The following TRPS1 variants were observed in gnomAD, a reference collection of about 807,000 sequenced individuals.
The protein encoded by TRPS1 is transcriptional repressor GATA binding 1.
TRPS1 carries 6 observed loss-of-function variants against 101.2 expected under a neutral mutation model. That is an observed-to-expected ratio of 0.06 (90% CI 0.03 to 0.12). TRPS1 has a LOEUF of 0.12. TRPS1 is among the 10% of genes least tolerant of loss of function. TRPS1 has a pLI of 1.00. For synonymous variants in TRPS1, 578 were observed against 589.8 expected (o/e 0.98, Z 0.29); for missense variants, 1,363 against 1,567.0 (o/e 0.87, Z 2.20).
At chr8:115,446,000 T>C (rs2129904526) in intron 5 of TRPS1, among the ~76,000 whole-genome samples, 1 of 152,278 alleles carries the variant, frequency 6.6e-6, no homozygotes, top group South Asian at 2.1e-4. Flanking sequence ...TAACTCTTTT[T>C]TCCCCCTTTC....
rs1254463413 is a variant in TRPS1, at chr8:115,411,991, G to A, written c.*2032C>T. On this transcript the variant is annotated 3_prime_UTR_variant, in exon 7 of 7. Coordinates refer to ENST00000395715, the MANE Select transcript of TRPS1 (RefSeq NM_014112.5). The stretch of plus-strand genomic sequence containing the variant: ...AACAAAACAATGATACAAAGCAACT[G>A]CGAATTAATGTAAAAATGGAGTGCA... 6.6e-6 allele frequency: 1 copy of A among 151,310 alleles called. No homozygotes were observed. The highest frequency in any genetic ancestry group is 1.5e-5 in the Non-Finnish European group (1 of 67,868). 9.4% of individuals were successfully genotyped at this position (151,310 alleles called of 1,614,324 possible).
At chr8:115,432,001 T>C (rs541833009) in intron 5 of TRPS1, among the ~76,000 whole-genome samples, 1 of 151,916 alleles carries the variant, frequency 6.6e-6, no homozygotes, top group East Asian at 1.9e-4. Context: ...TACACATATA[T>C]TCCTTAGCTT....
In TRPS1 at chr8:115,668,808, T is replaced by G. The variant is rs1190594216; in HGVS notation, c.-385A>C. 7.5e-6 allele frequency: 1 copy of G among 133,676 alleles called. No homozygotes were observed. Among genetic ancestry groups the G allele is most frequent in the Non-Finnish European group, 1.5e-5 (1 of 67,354 alleles). The allele number at this position is 133,676 out of a possible 1,614,324, so 8.3% of individuals were successfully genotyped here. A position where few individuals can be genotyped will look rare whatever the true frequency, so the allele number is the denominator to read the frequency against. ...TGGGAGAGGGGAGGGGGTGTTGTTT[T>G]TTGTTTAAAAAAAAAAAAAAGAAAT... On this transcript the variant is annotated 5_prime_UTR_variant, in exon 1 of 7. Coordinates refer to ENST00000395715, the MANE Select transcript of TRPS1 (RefSeq NM_014112.5).
At chr8:115,593,743 G>A (rs1817729108) in intron 4 of TRPS1, among the ~76,000 whole-genome samples, 1 of 152,080 alleles carries the variant, frequency 6.6e-6, no homozygotes, top group South Asian at 2.1e-4. Flanking sequence ...AGACATTCAG[G>A]AAATTTTTCC....
intron 5 of TRPS1, among the ~76,000 whole-genome samples, chr8:115,478,511 A>C (rs534520595): frequency 1.3e-5 from 2 of 152,278 alleles, no homozygotes; most frequent in South Asian, 4.1e-4. Flanking sequence ...TACTTTAAAA[A>C]TATTATTCAA....
intron 5 of TRPS1, among the ~76,000 whole-genome samples, chr8:115,488,533 G>T (rs1036766391): frequency 6.6e-6 from 1 of 152,080 alleles, no homozygotes; most frequent in African/African-American, 2.4e-5. Context: ...AAATTAGCTG[G>T]GCGTGGTGAT....
chr8:115,608,054 T>C (rs578187860), intron 3 of TRPS1, among the ~76,000 whole-genome samples: 1 of 152,308 alleles, frequency 6.6e-6, no homozygotes, highest in Admixed American at 6.5e-5. Context: ...TTGAAACTTA[T>C]TGTCTGGAAA....
intron 3 of TRPS1, among the ~76,000 whole-genome samples, chr8:115,618,774 A>C (rs1818322944): frequency 6.6e-6 from 1 of 152,222 alleles, no homozygotes; most frequent in African/African-American, 2.4e-5. Context: ...AACTGGAACA[A>C]GGCATGAATT....
chr8:115,498,407 CTCTCTCTCTA>C (rs1815211979), intron 5 of TRPS1, among the ~76,000 whole-genome samples: 26 of 85,086 alleles, frequency 3.1e-4, no homozygotes, highest in South Asian at 4.7e-4. Flanking sequence ...CTCTCTCTCT[CTCTCTCTCTA>C]TATATATATA....
At chr8:115,441,374 T>C (rs1275998155) in intron 5 of TRPS1, among the ~76,000 whole-genome samples, 1 of 152,230 alleles carries the variant, frequency 6.6e-6, no homozygotes, top group African/African-American at 2.4e-5. Context: ...AAAAACAGTT[T>C]TGGTGCATCC....
chr8:115,568,560 A>G lies in TRPS1; in HGVS notation c.2700+18441T>C, dbSNP rs191507719. 1.2e-4 allele frequency among the ~76,000 whole-genome samples: 18 copies of G among 152,268 alleles called. No individual in the cohort carries two copies. The East Asian group carries it at 2.9e-3, about 24-fold the overall frequency. ...TCTAGTTAATTTATTTGAAAAGTTG[A>G]TATTTTATGCTCTAGTTTCTGGCAT... On this transcript the variant is annotated intron_variant, in intron 5 of 6. Transcript: ENST00000395715.
At chr8:115,632,583 T>C (rs1267415519) in intron 1 of TRPS1, among the ~76,000 whole-genome samples, 3 of 152,130 alleles carry the variant, frequency 2.0e-5, no homozygotes, top group Non-Finnish European at 4.4e-5. Flanking sequence ...GTAGAATAGA[T>C]TTTTTAAAGT....
chr8:115,529,229 T>C (rs1816072911), intron 5 of TRPS1, among the ~76,000 whole-genome samples: 1 of 151,928 alleles, frequency 6.6e-6, no homozygotes, highest in South Asian at 2.1e-4. Flanking sequence ...GGTACAGAAA[T>C]GGTGTACATG....
At chr8:115,563,060 G>A (rs547209086) in intron 5 of TRPS1, among the ~76,000 whole-genome samples, 1 of 151,920 alleles carries the variant, frequency 6.6e-6, no homozygotes, top group South Asian at 2.1e-4. Flanking sequence ...CACACAACAT[G>A]TGGATTATGT....
At chr8:115,654,851 A>G (rs186870027) in intron 1 of TRPS1, among the ~76,000 whole-genome samples, 21 of 152,358 alleles carry the variant, frequency 1.4e-4, no homozygotes, top group Middle Eastern at 3.4e-3. Flanking sequence ...ATAAAGAAAT[A>G]ATGTGAATAT....
chr8:115,549,449 T>C (rs151150757), intron 5 of TRPS1, among the ~76,000 whole-genome samples: 1 of 152,308 alleles, frequency 6.6e-6, no homozygotes, highest in Non-Finnish European at 1.5e-5. Context: ...GCAAAAGTTA[T>C]AAGTTTTAAT....
intron 5 of TRPS1, among the ~76,000 whole-genome samples, chr8:115,533,434 C>CTGTTT (rs1586372463): frequency 9.3e-5 from 3 of 32,346 alleles, no homozygotes; most frequent in East Asian, 4.2e-3. Flanking sequence ...CACATGTAAT[C>CTGTTT]TGTTTTTTTT....
At chr8:115,639,289 G>A (rs1441969878) in intron 1 of TRPS1, among the ~76,000 whole-genome samples, 10 of 152,008 alleles carry the variant, frequency 6.6e-5, no homozygotes, top group Admixed American at 5.2e-4. Flanking sequence ...GGCTGGTCTC[G>A]AACTCCAAGG....
At chr8:115,540,463 A>G (rs1816425642) in intron 5 of TRPS1, among the ~76,000 whole-genome samples, 1 of 152,150 alleles carries the variant, frequency 6.6e-6, no homozygotes, top group African/African-American at 2.4e-5. Flanking sequence ...ATTCTCAGAA[A>G]AATAAAAAGG....
Sources: gnomAD v4.1 joint callset for allele counts (sites outside exome capture counted in the v4.1 genomes callset) on GRCh38, gnomAD v4.1.1 for gene constraint, MANE v1.5 for transcripts, NCBI Gene and HGNC (gene_info 2026-07-23, HGNC 2026-07-21) for gene names.